The following VIPR2 variants were observed in gnomAD, a reference collection of about 807,000 sequenced individuals.
VIPR2 encodes the protein vasoactive intestinal peptide receptor 2, also known as vasoactive intestinal polypeptide receptor 2.
Under a neutral mutation model 58.0 loss-of-function variants are expected in VIPR2, and 48 were observed. That is an observed-to-expected ratio of 0.83 (90% confidence interval 0.66 to 1.05). The LOEUF (loss-of-function observed/expected upper bound fraction) is 1.05, where lower values mean the gene tolerates loss of function less well. Ranked by LOEUF, VIPR2 falls within the 50% of genes least tolerant of loss-of-function variation. The pLI, the probability that VIPR2 is intolerant of heterozygous loss-of-function variation, is 0.00. For missense variants in VIPR2, 534 were observed against 558.0 expected (o/e 0.96, Z 0.43); for synonymous variants, 243 against 235.2 (o/e 1.03, Z -0.30).
intron 4 of VIPR2, among the ~76,000 whole-genome samples, chr7:159,059,798 C>A (rs1333042223): frequency 6.6e-6 from 1 of 151,046 alleles, no homozygotes; most frequent in Admixed American, 6.6e-5. Context: ...CTCACCTCAC[C>A]TAACCATCAC....
intron 4 of VIPR2, 123 bp from the exon 5 acceptor site, chr7:159,058,701 G>A (rs777286293): frequency 4.1e-5 from 29 of 710,328 alleles, no homozygotes; most frequent in South Asian, 7.4e-5. Flanking sequence ...TGGAAGGCAC[G>A]AGATAGTCTC....
chr7:159,116,717 C>T (rs191144298), intron 2 of VIPR2, among the ~76,000 whole-genome samples: 70 of 152,126 alleles, frequency 4.6e-4, no homozygotes, highest in Non-Finnish European at 8.4e-4. Flanking sequence ...AAGTTCTTAC[C>T]GGTATGCTGG....
chr7:159,042,043 C>T (rs780782714), intron 6 of VIPR2, among the ~76,000 whole-genome samples: 1 of 152,110 alleles, frequency 6.6e-6, no homozygotes, highest in Non-Finnish European at 1.5e-5. Context: ...GCATCACGCG[C>T]CAGCTTATCC....
At chr7:159,134,706 G>GGAGTACA (rs1489119191) in intron 2 of VIPR2, among the ~76,000 whole-genome samples, 4 of 151,430 alleles carry the variant, frequency 2.6e-5, no homozygotes, top group African/African-American at 9.7e-5. Context: ...CACCCAGGCT[G>GGAGTACA]GAGTACAGTG....
rs113626011 is a variant in VIPR2, at chr7:159,127,094, T to C, written c.151+15352A>G. On this transcript the variant is annotated intron_variant, in intron 2 of 12. Transcript: ENST00000262178. The surrounding 1 kb of genome is among the most constrained non-coding windows in gnomAD (Gnocchi z 4.6). ...GCGCGGTCTCCAAACGTGTTTAGAA[T>C]GCTGCAGAGGATACTTTACAGCAAG... Among the ~76,000 whole-genome samples, 1,331 of 152,316 alleles carry C rather than the reference T, an allele frequency of 8.7e-3. 19 individuals carry two copies. The highest frequency in any genetic ancestry group is 0.03 in the African/African-American group (1,256 of 41,562).
At chr7:159,079,579 A>G (rs1428042038) in intron 4 of VIPR2, among the ~76,000 whole-genome samples, 1 of 152,254 alleles carries the variant, frequency 6.6e-6, no homozygotes, top group Non-Finnish European at 1.5e-5. Flanking sequence ...GAGCAAACAC[A>G]TTCAAAAGCT....
chr7:159,038,234 G>A (rs1425859805), intron 6 of VIPR2, among the ~76,000 whole-genome samples: 1 of 152,014 alleles, frequency 6.6e-6, no homozygotes, highest in Non-Finnish European at 1.5e-5. Context: ...CCTGCAGGCG[G>A]CCCCGACCTC....
In VIPR2 at chr7:159,058,563, G is replaced by A. The variant is rs201334085; in HGVS notation, c.373C>T (p.Leu125=). 1.4e-4 allele frequency: 226 copies of A among 1,611,458 alleles called. 1 individual carries two copies. The East Asian group carries it at 4.8e-3, about 34-fold the overall frequency. The change falls in exon 5 of 13, where the codon CTG becomes TTG. Residue 125 remains leucine, a synonymous_variant. Coordinates refer to ENST00000262178, the MANE Select transcript of VIPR2 (RefSeq NM_003382.5). ...CCCAGTGTATAAATGGCCTTCACCAGAATATAAAACGTGATCTACAAAGAA... is the reference window on the plus strand; with the variant it reads ...CCCAGTGTATAAATGGCCTTCACCAAAATATAAAACGTGATCTACAAAGAA... The part of the protein sequence containing the change: ...EDESKITFYI[L]VKAIYTLGYS...
At chr7:159,063,252 A>T (rs1855824597) in intron 4 of VIPR2, among the ~76,000 whole-genome samples, 1 of 152,036 alleles carries the variant, frequency 6.6e-6, no homozygotes, top group Non-Finnish European at 1.5e-5. Context: ...AGACTCGGGC[A>T]TGGTGGGCTG....
At chr7:159,142,591 A>G in intron 1 of VIPR2, 46 bp from the exon 2 acceptor site, 1 of 1,489,844 alleles carries the variant, frequency 6.7e-7, no homozygotes, top group Non-Finnish European at 9.3e-7. Flanking sequence ...ATTCCACAAG[A>G]AGAAGAAAAG....
intron 2 of VIPR2, among the ~76,000 whole-genome samples, chr7:159,112,721 G>A (rs576994252): frequency 5.1e-5 from 7 of 136,596 alleles, no homozygotes; most frequent in African/African-American, 1.9e-4. Flanking sequence ...GTGAGGAGGA[G>A]ACTCACGGCG....
intron 2 of VIPR2, among the ~76,000 whole-genome samples, chr7:159,113,086 C>T (rs56366955): frequency 0.36 from 54,594 of 152,016 alleles, 11,917 homozygotes; most frequent in African/African-American, 0.62. Flanking sequence ...GACCCTCTCA[C>T]ATTGTTTTAG....
rs559190756 is a variant in VIPR2 at position 159,029,057 on chromosome 7, G to C, written c.*1559C>G. 1 of 152,420 alleles carries C rather than the reference G, an allele frequency of 6.6e-6. No individual in the cohort carries two copies. Among genetic ancestry groups the C allele is most frequent in the South Asian group, 2.1e-4 (1 of 4,826 alleles). The allele number at this position is 152,420 out of a possible 1,614,324, so 9.4% of individuals were successfully genotyped here. ...CTCTGTCCGGCCTCATTTTACCGGG[G>C]ATATGGGTTTTGCAAACCAAGGTGA... On this transcript the variant is annotated 3_prime_UTR_variant, in exon 13 of 13. Transcript: ENST00000262178.
At chr7:159,122,909 G>A (rs779214975) in intron 2 of VIPR2, among the ~76,000 whole-genome samples, 5 of 152,090 alleles carry the variant, frequency 3.3e-5, no homozygotes, top group African/African-American at 7.2e-5. Flanking sequence ...CTCATGTCAT[G>A]GGAGCTTGTT....
intron 2 of VIPR2, among the ~76,000 whole-genome samples, chr7:159,113,661 C>A (rs969040166): frequency 1.3e-5 from 2 of 152,076 alleles, no homozygotes; most frequent in African/African-American, 4.8e-5. Flanking sequence ...CGAGGAAAAG[C>A]ATAAAGTTAT....
At chr7:159,088,295 C>T (rs1056247723) in intron 4 of VIPR2, among the ~76,000 whole-genome samples, 5 of 152,228 alleles carry the variant, frequency 3.3e-5, no homozygotes, top group Non-Finnish European at 7.3e-5. Context: ...ACCTGAACAC[C>T]CGCATACCCA....
intron 2 of VIPR2, among the ~76,000 whole-genome samples, chr7:159,129,910 TGG>T (rs1563352335): frequency 3.3e-5 from 2 of 60,766 alleles, no homozygotes; most frequent in African/African-American, 2.5e-4. Flanking sequence ...GGGACAGGGC[TGG>T]GGGGACAGGG....
At chr7:159,077,597 T>C (rs1007464380) in intron 4 of VIPR2, among the ~76,000 whole-genome samples, 3 of 151,480 alleles carry the variant, frequency 2.0e-5, no homozygotes, top group Non-Finnish European at 1.5e-5. Context: ...GGTACTACAG[T>C]GTACCTGTTA....
chr7:159,063,719 TCCTGGCGGGTCGGAGGG>T (rs1351643639), intron 4 of VIPR2, among the ~76,000 whole-genome samples: 1 of 131,546 alleles, frequency 7.6e-6, no homozygotes, highest in Non-Finnish European at 1.6e-5. Flanking sequence ...GATCTGGGGT[TCCTGGCGGGTCGGAGGG>T]CCTGGCGGGA....
Sources: allele counts gnomAD v4.1 joint callset (sites outside exome capture counted in the v4.1 genomes callset), GRCh38; gene constraint gnomAD v4.1.1; non-coding constraint Gnocchi (gnomAD v3.1); transcripts MANE v1.5; gene names NCBI Gene and HGNC (gene_info 2026-07-23, HGNC 2026-07-21).